The following NT5C2 variants were observed in gnomAD, a reference collection of about 807,000 sequenced individuals.
NT5C2 encodes 5'-nucleotidase, cytosolic II, also known as cytosolic purine 5'-nucleotidase.
A neutral mutation model predicts 76.1 loss-of-function variants in NT5C2; 58 were observed. That is an observed-to-expected ratio of 0.76 (90% confidence interval 0.62 to 0.95). The LOEUF is 0.95. Among genes scored for constraint, NT5C2 ranks in the 40% least tolerant of loss-of-function variants. The pLI, the probability that NT5C2 is intolerant of heterozygous loss-of-function variation, is 0.00. For synonymous variants in NT5C2, 229 were observed against 237.4 expected (o/e 0.96, Z 0.32); for missense variants, 478 against 690.3 (o/e 0.69, Z 3.45).
chr10:103,127,941 G>A (rs1282602002), intron 4 of NT5C2, among the ~76,000 whole-genome samples: 12 of 152,152 alleles, frequency 7.9e-5, no homozygotes, highest in South Asian at 2.1e-4. Context: ...TTATCCTCCC[G>A]CCTCAGCCTC....
At chr10:103,104,903 AT>A (rs1368199213) in intron 6 of NT5C2, among the ~76,000 whole-genome samples, 1 of 152,250 alleles carries the variant, frequency 6.6e-6, no homozygotes, top group East Asian at 1.9e-4. Flanking sequence ...ACTGACACAC[AT>A]CCTATTCTGG....
chr10:103,118,168 A>G (rs542037306), intron 4 of NT5C2, among the ~76,000 whole-genome samples: 3 of 152,334 alleles, frequency 2.0e-5, no homozygotes, highest in Non-Finnish European at 2.9e-5. Flanking sequence ...GAAAAAAAGT[A>G]AAGTATAAAT....
At chr10:103,186,882 C>T (rs1591917615) in intron 1 of NT5C2, among the ~76,000 whole-genome samples, 1 of 148,180 alleles carries the variant, frequency 6.7e-6, no homozygotes, top group East Asian at 2.0e-4. Context: ...CACTGCACTC[C>T]AGCCTGGGTG....
chr10:103,146,507 G>A, intron 3 of NT5C2: 4 of 852,508 alleles, frequency 4.7e-6, no homozygotes, highest in Non-Finnish European at 5.6e-6. Flanking sequence ...TTTTTGAGAG[G>A]GCAAATTGAA....
chr10:103,153,665 T>A, intron 3 of NT5C2: 5 of 985,368 alleles, frequency 5.1e-6, no homozygotes, highest in Non-Finnish European at 6.0e-6. Context: ...TACCCCCTAA[T>A]GAGGCCCTCC....
intron 4 of NT5C2, among the ~76,000 whole-genome samples, chr10:103,114,675 A>C (rs1446928675): frequency 6.6e-6 from 1 of 152,222 alleles, no homozygotes; most frequent in Non-Finnish European, 1.5e-5. Context: ...ATGGAAATAC[A>C]TTCATTCTTT....
intron 2 of NT5C2, 88 bp downstream of exon 2, chr10:103,181,097 G>A (rs771203404): frequency 3.9e-5 from 6 of 152,110 alleles, no homozygotes; most frequent in Non-Finnish European, 7.4e-5. Context: ...GGGGTGATAC[G>A]TTCAATATCT....
In NT5C2 at chr10:103,170,526, CTTTTTTT is replaced by C. The variant is rs71019664; in HGVS notation, c.101+4325_101+4331del. ...ACACACAAGCACACACACATGCACA[CTTTTTTT>C]TTTTTTTTTTTTTTGAGACATGCTC... is the stretch of plus-strand genomic sequence containing the variant. On this transcript the variant is annotated intron_variant, in intron 3 of 18. Transcript: ENST00000404739. 5.4e-3 allele frequency among the ~76,000 whole-genome samples: 633 copies of C among 117,764 alleles called. 2 individuals carry two copies. The highest frequency in any genetic ancestry group is 7.8e-3 in the Non-Finnish European group (448 of 57,542). 77.3% of individuals were successfully genotyped at this position (117,764 alleles called of 152,430 possible).
At chr10:103,152,842 AT>A (rs1465976498) in intron 3 of NT5C2, among the ~76,000 whole-genome samples, 2 of 152,150 alleles carry the variant, frequency 1.3e-5, no homozygotes, top group African/African-American at 4.8e-5. Context: ...ACTCTAAATT[AT>A]TTTTTGCCTA....
chr10:103,140,351 T>C (rs1398038222), intron 3 of NT5C2, among the ~76,000 whole-genome samples: 3 of 151,934 alleles, frequency 2.0e-5, no homozygotes, highest in African/African-American at 7.3e-5. Context: ...TCTACGTTCA[T>C]CCATGGTGTT....
intron 3 of NT5C2, chr10:103,146,594 G>C (rs1275442059): frequency 3.8e-6 from 1 of 265,758 alleles, no homozygotes; most frequent in Non-Finnish European, 5.8e-6. Context: ...TGGATTTTTT[G>C]TTGAAAACCC....
chr10:103,189,952 G>A (rs11191600), intron 1 of NT5C2, among the ~76,000 whole-genome samples: 46,369 of 148,088 alleles, frequency 0.31, 7,372 homozygotes, highest in Middle Eastern at 0.38. Flanking sequence ...TTACAGGCGT[G>A]AGCCACCGCA....
At chr10:103,097,810 T>C (rs917671467) in intron 10 of NT5C2, among the ~76,000 whole-genome samples, 1 of 152,230 alleles carries the variant, frequency 6.6e-6, no homozygotes, top group Non-Finnish European at 1.5e-5. Flanking sequence ...TAAAACACCT[T>C]GCAGAATGAA....
intron 3 of NT5C2, among the ~76,000 whole-genome samples, chr10:103,154,395 A>G (rs1359250874): frequency 1.3e-5 from 2 of 152,158 alleles, no homozygotes; most frequent in Non-Finnish European, 2.9e-5. Flanking sequence ...TATAAATTCA[A>G]AATAAAATTA....
intron 16 of NT5C2, 140 bp from the exon 17 acceptor site, chr10:103,091,136 G>A (rs1181704044): frequency 3.1e-5 from 22 of 705,920 alleles, no homozygotes; most frequent in Non-Finnish European, 5.1e-5. Flanking sequence ...CCAGCTTCAA[G>A]CGATTCTCCT....
intron 1 of NT5C2, among the ~76,000 whole-genome samples, chr10:103,186,868 G>A (rs1236207868): frequency 6.7e-6 from 1 of 149,870 alleles, no homozygotes; most frequent in Non-Finnish European, 1.5e-5. Context: ...AGCTGACATG[G>A]AGCCACTGCA....
chr10:103,109,541 T>C (rs1590907615), intron 4 of NT5C2, among the ~76,000 whole-genome samples: 3 of 152,232 alleles, frequency 2.0e-5, no homozygotes, highest in Admixed American at 1.3e-4. Flanking sequence ...AGTTCCAGTA[T>C]AGCTAAGTAA....
At chr10:103,160,752 C>T (rs11191584) in intron 3 of NT5C2, among the ~76,000 whole-genome samples, 18,240 of 152,158 alleles carry the variant, frequency 0.12, 1,254 homozygotes, top group Non-Finnish European at 0.15. Flanking sequence ...CGGTGGCTCA[C>T]GCCTGTAATC....
rs543978753 is a variant in NT5C2, at chr10:103,107,930, G to A, written c.176-1224C>T. 8.6e-5 allele frequency among the ~76,000 whole-genome samples: 13 copies of A among 151,980 alleles called. 1 individual carries two copies. The South Asian group carries it at 1.0e-3, about 12-fold the overall frequency. On this transcript the variant is annotated intron_variant, in intron 4 of 18. Transcript: ENST00000404739. ...AGCACTTTGGGAGCCCAAGGCGGGC[G>A]GATCACTTGAGGTCAGGAGTTCCAG...
Sources: allele counts gnomAD v4.1 joint callset (sites outside exome capture counted in the v4.1 genomes callset), GRCh38; gene constraint gnomAD v4.1.1; transcripts MANE v1.5; gene names NCBI Gene and HGNC (gene_info 2026-07-23, HGNC 2026-07-21).